Variants in FYCO1 observed in about 807,000 individuals in gnomAD.
FYCO1 encodes FYVE and coiled-coil domain autophagy adaptor 1.
FYCO1 carries 122 observed loss-of-function variants against 165.1 expected under a neutral mutation model. That is an observed-to-expected ratio of 0.74 (90% CI 0.64 to 0.86). The LOEUF (loss-of-function observed/expected upper bound fraction) is 0.86. Ranked by LOEUF, FYCO1 falls within the 40% of genes least tolerant of loss-of-function variation. The pLI, the probability that FYCO1 is intolerant of heterozygous loss-of-function variation, is 0.00. For synonymous variants in FYCO1, 648 were observed against 742.5 expected, an observed-to-expected ratio of 0.87 and a Z score of 2.07; for missense variants, 1,702 against 1,810.3, an observed-to-expected ratio of 0.94 and a Z score of 1.09.
chr3:45,976,851 A>G (rs977279894), intron 4 of FYCO1, among the ~76,000 whole-genome samples: 2 of 152,180 alleles, frequency 1.3e-5, no homozygotes, highest in African/African-American at 4.8e-5. Flanking sequence ...AAAAACAAAA[A>G]GGTGTTAACT....
chr3:45,981,730 A>C (rs2125870772), intron 2 of FYCO1, 54 bp from the exon 3 acceptor site: 1 of 1,237,360 alleles, frequency 8.1e-7, no homozygotes, highest in South Asian at 1.2e-5. Flanking sequence ...ACTCAGACAG[A>C]GAAGCAGAAA....
Position 45,921,786 on chromosome 3 carries a change from G to C in FYCO1, c.4416C>G (p.Tyr1472Ter). Reference protein sequence around the residue: ...YHLTVDRPVIYDGSDFL With the variant: ...YHLTVDRPVI ...GAAGCTACAGGAAATCACTTCCATCGTAGATCACAGGCCGATCAACCGTCA... is the reference window on the plus strand; with the variant it reads ...GAAGCTACAGGAAATCACTTCCATCCTAGATCACAGGCCGATCAACCGTCA... The change falls in exon 18 of 18, where the codon TAC becomes TAG. Residue 1472 changes from tyrosine to a stop codon, truncating the protein, a stop_gained. Coordinates refer to ENST00000296137, the MANE Select transcript of FYCO1 (RefSeq NM_024513.4). LOFTEE classifies it high-confidence loss of function. The C allele has an allele frequency of 1.2e-6, 2 of 1,611,244 alleles. No homozygotes were observed. Among genetic ancestry groups the C allele is most frequent in the Non-Finnish European group, 1.7e-6 (2 of 1,177,322 alleles).
At chr3:45,938,593 A>T (rs914411116) in intron 14 of FYCO1, among the ~76,000 whole-genome samples, 1 of 152,202 alleles carries the variant, frequency 6.6e-6, no homozygotes, top group African/African-American at 2.4e-5. Flanking sequence ...TCCCTGGTTC[A>T]AGCGATTTTC....
At chr3:45,926,236 G>A (rs1418718233) in intron 16 of FYCO1, among the ~76,000 whole-genome samples, 1 of 152,142 alleles carries the variant, frequency 6.6e-6, no homozygotes, top group Non-Finnish European at 1.5e-5. Context: ...CTGGATAAAA[G>A]CAACACCCAA....
chr3:45,937,806 C>T (rs570384115), intron 14 of FYCO1, among the ~76,000 whole-genome samples: 6 of 152,318 alleles, frequency 3.9e-5, no homozygotes, highest in African/African-American at 1.4e-4. Flanking sequence ...TTCCTCCTTG[C>T]CTAACACCTC....
In FYCO1 at chr3:45,923,646, G is replaced by A. The variant is rs370930987; in HGVS notation, c.4361+10C>T. On this transcript the variant is annotated intron_variant, in intron 17 of 17. Coordinates refer to ENST00000296137, the MANE Select transcript of FYCO1 (RefSeq NM_024513.4). ...TGGAGACGTGGAGCTGGTGCCTGAG[G>A]TGGCCCTACCTTGAGAAGGTATTGT... The A allele has an allele frequency of 3.8e-6, 6 of 1,575,596 alleles. No individual in the cohort carries two copies. The African/African-American group carries it at 8.1e-5, about 21-fold the overall frequency.
intron 14 of FYCO1, chr3:45,938,286 G>C (rs1225243154): frequency 1.6e-6 from 2 of 1,251,776 alleles, no homozygotes; most frequent in Non-Finnish European, 2.1e-6. Flanking sequence ...TGGGATAGGT[G>C]GGTGATGCAG....
chr3:45,955,466 G>A (rs1705257543), intron 13 of FYCO1, 73 bp from the exon 14 acceptor site: 1 of 1,556,500 alleles, frequency 6.4e-7, no homozygotes. Context: ...AAGGGCCCTT[G>A]GGAAAGTGAG....
chr3:45,931,531 C>G (rs899513108), intron 15 of FYCO1, among the ~76,000 whole-genome samples: 1 of 152,218 alleles, frequency 6.6e-6, no homozygotes, highest in South Asian at 2.1e-4. Context: ...ATACAGATGA[C>G]ACCTTTGCCT....
chr3:45,958,656 C>T (rs751028213), intron 12 of FYCO1, 37 bp from the exon 13 acceptor site: 3 of 1,600,892 alleles, frequency 1.9e-6, no homozygotes, highest in Admixed American at 3.3e-5. Flanking sequence ...GAGGATGACA[C>T]ACTATGATCT....
At chr3:45,966,245 G>A (rs372192770) in intron 8 of FYCO1, 32 bp downstream of exon 8, 8 of 1,608,404 alleles carry the variant, frequency 5.0e-6, no homozygotes, top group Non-Finnish European at 5.1e-6. Context: ...CAGGGAGAGG[G>A]GTAGAGCCCA....
intron 7 of FYCO1, 118 bp from the exon 8 acceptor site, chr3:45,968,821 T>G: frequency 8.3e-7 from 1 of 1,204,768 alleles, no homozygotes; most frequent in Non-Finnish European, 1.2e-6. Context: ...TGCCCTAAGG[T>G]TAGTCTAAAG....
chr3:45,975,168 A>G, intron 5 of FYCO1, 71 bp downstream of exon 5: 1 of 1,002,750 alleles, frequency 1.0e-6, no homozygotes, highest in South Asian at 1.3e-5. Context: ...TGCAGCTGTC[A>G]TTATTATTAA....
At chr3:45,976,620 G>C (rs1260793334) in intron 4 of FYCO1, among the ~76,000 whole-genome samples, 1 of 152,188 alleles carries the variant, frequency 6.6e-6, no homozygotes, top group African/African-American at 2.4e-5. Flanking sequence ...AGGGGGAGCA[G>C]TGGTTTGCCA....
chr3:45,972,545 C>A (rs1378737217), intron 6 of FYCO1, among the ~76,000 whole-genome samples: 2 of 152,222 alleles, frequency 1.3e-5, no homozygotes, highest in Admixed American at 6.5e-5. Context: ...TCCCCTGATC[C>A]TCTGAGCCTG....
At position 45,921,556 on chromosome 3, in the gene FYCO1, T is replaced by C; in HGVS notation, c.*209A>G. ...CTGAGTCTCTACTTAATGGAAACAT[T>C]GCCTGAGCCCTTCAACGCCTCGGGG... is the stretch of plus-strand genomic sequence containing the variant. On this transcript the variant is annotated 3_prime_UTR_variant, in exon 18 of 18. Coordinates refer to ENST00000296137, the MANE Select transcript of FYCO1 (RefSeq NM_024513.4). 2 of 574,856 alleles carry C rather than the reference T, an allele frequency of 3.5e-6. No individual in the cohort carries two copies. The highest frequency in any genetic ancestry group is 6.3e-6 in the Non-Finnish European group (2 of 317,510). The allele number at this position is 574,856 out of a possible 1,614,324, so 35.6% of individuals were successfully genotyped here.
Position 45,984,941 on chromosome 3 carries a change from C to T in FYCO1, c.-31G>A, listed in dbSNP as rs1351148620. The T allele has an allele frequency of 1.2e-6, 2 of 1,612,664 alleles. No individual in the cohort carries two copies. The highest frequency in any genetic ancestry group is 2.2e-5 in the South Asian group (2 of 91,038). On this transcript the variant is annotated 5_prime_UTR_variant, in exon 2 of 18. Coordinates refer to ENST00000296137, the MANE Select transcript of FYCO1 (RefSeq NM_024513.4). ...GTTTGCCTTTCTTGTCTGTATGTCTCCTGCCTGGGTCCAGAGGAAGGCTCA... is the reference window on the plus strand; with the variant it reads ...GTTTGCCTTTCTTGTCTGTATGTCTTCTGCCTGGGTCCAGAGGAAGGCTCA...
At chr3:45,970,020 C>T (rs1477526726) in intron 6 of FYCO1, among the ~76,000 whole-genome samples, 1 of 152,186 alleles carries the variant, frequency 6.6e-6, no homozygotes, top group Non-Finnish European at 1.5e-5. Context: ...ATGTATTTCC[C>T]ACTATTTGGT....
chr3:45,976,622 G>A (rs1344605259), intron 4 of FYCO1, among the ~76,000 whole-genome samples: 1 of 152,090 alleles, frequency 6.6e-6, no homozygotes, highest in Non-Finnish European at 1.5e-5. Context: ...GGGGAGCAGT[G>A]GTTTGCCAGA....
Sources: allele counts gnomAD v4.1 joint callset (sites outside exome capture counted in the v4.1 genomes callset), GRCh38; gene constraint gnomAD v4.1.1; transcripts MANE v1.5; gene names NCBI Gene and HGNC (gene_info 2026-07-23, HGNC 2026-07-21).